The following SLC2A9 variants were observed in gnomAD, a reference collection of about 807,000 sequenced individuals.
SLC2A9 encodes the protein solute carrier family 2, facilitated glucose transporter member 9.
In SLC2A9, 39 loss-of-function variants were observed where a neutral mutation model predicts 50.6. That is an observed-to-expected ratio of 0.77 (90% CI 0.60 to 1.01). The LOEUF is 1.01. Among genes scored for constraint, SLC2A9 ranks in the 50% least tolerant of loss-of-function variants. SLC2A9 has a pLI of 0.00. For missense variants in SLC2A9, 686 were observed against 677.6 expected (o/e 1.01, Z -0.14); for synonymous variants, 324 against 276.9 (o/e 1.17, Z -1.69).
At chr4:9,873,451 C>A (rs137896473) in intron 10 of SLC2A9, among the ~76,000 whole-genome samples, 168 of 152,302 alleles carry the variant, frequency 1.1e-3, no homozygotes, top group African/African-American at 3.9e-3. Flanking sequence ...TGAATCTGGG[C>A]GGGCTTTGTG....
intron 1 of SLC2A9, among the ~76,000 whole-genome samples, chr4:10,037,983 G>A (rs903101479): frequency 2.0e-5 from 3 of 151,814 alleles, no homozygotes; most frequent in Non-Finnish European, 4.4e-5. Context: ...AATAAATAAA[G>A]GCAGGACCCA....
In SLC2A9 at chr4:9,887,588, C is replaced by T. The variant is rs1372216638; in HGVS notation, c.1270G>A (p.Ala424Thr). The T allele has an allele frequency of 1.5e-5, 23 of 1,566,578 alleles. No homozygotes were observed. Among genetic ancestry groups the T allele is most frequent in the African/African-American group, 2.7e-5 (2 of 73,544 alleles). Reference protein sequence around the residue: ...LSIVGILAIIASFCSGPGGIP... With the variant: ...LSIVGILAIITSFCSGPGGIP... Reference sequence around the variant, plus strand: ...TTACCTGGCCCACTGCAGAAAGAGGCGATGATGGCCAGAATGCCCACGATA... The same window carrying T: ...TTACCTGGCCCACTGCAGAAAGAGGTGATGATGGCCAGAATGCCCACGATA... The change falls in exon 10 of 12, where the codon GCC becomes ACC. Residue 424 changes from alanine (A) to threonine (T), a missense_variant. Ala to Thr is a moderately conservative substitution (Grantham distance 58). Coordinates refer to ENST00000264784, the MANE Select transcript of SLC2A9 (RefSeq NM_020041.3).
At chr4:9,865,490 G>T (rs979927355) in intron 10 of SLC2A9, among the ~76,000 whole-genome samples, 2 of 152,178 alleles carry the variant, frequency 1.3e-5, no homozygotes, top group Non-Finnish European at 2.9e-5. Flanking sequence ...AATTTATATT[G>T]TTACAGAGTA....
intron 10 of SLC2A9, among the ~76,000 whole-genome samples, chr4:9,864,656 G>A (rs1732158901): frequency 6.6e-6 from 1 of 152,212 alleles, no homozygotes; most frequent in South Asian, 2.1e-4. Flanking sequence ...AAGCCTGGAA[G>A]AGTACAAATT....
At chr4:10,019,361 G>A (rs1763214204) in intron 1 of SLC2A9, 1 of 517,614 alleles carries the variant, frequency 1.9e-6, no homozygotes, top group Non-Finnish European at 3.5e-6. Flanking sequence ...GCTGCTCTGG[G>A]CAGCTCCACA....
At chr4:9,973,703 G>A (rs1754291470) in intron 5 of SLC2A9, among the ~76,000 whole-genome samples, 1 of 110,604 alleles carries the variant, frequency 9.0e-6, no homozygotes, top group African/African-American at 3.5e-5. Context: ...ACACACTGGG[G>A]CCTGTTGTGG....
At chr4:9,806,415 T>A (rs1204037160) in intron 3 of SLC2A9, among the ~76,000 whole-genome samples, 1 of 152,272 alleles carries the variant, frequency 6.6e-6, no homozygotes, top group Non-Finnish European at 1.5e-5. Context: ...TTTTTATTAA[T>A]CTACAACCTA....
intron 2 of SLC2A9, among the ~76,000 whole-genome samples, chr4:10,004,524 A>C (rs899223376): frequency 1.3e-5 from 2 of 152,156 alleles, no homozygotes; most frequent in Non-Finnish European, 2.9e-5. Flanking sequence ...GAGGACTCCA[A>C]AGTCCTAGAG....
intron 2 of SLC2A9, among the ~76,000 whole-genome samples, chr4:10,003,268 G>T (rs76624494): frequency 0.012 from 1,879 of 152,302 alleles, 46 homozygotes; most frequent in East Asian, 0.091. Flanking sequence ...CACCCTGGAA[G>T]GCCTCAGTAA....
At chr4:9,786,039 G>A (rs1169761699) in intron 3 of SLC2A9, among the ~76,000 whole-genome samples, 2 of 152,196 alleles carry the variant, frequency 1.3e-5, no homozygotes, top group Non-Finnish European at 2.9e-5. Flanking sequence ...AGTGGCAAGT[G>A]CAAAGGCTTG....
At chr4:10,039,961 C>T (rs1023584505) in intron 1 of SLC2A9, among the ~76,000 whole-genome samples, 1 of 152,242 alleles carries the variant, frequency 6.6e-6, no homozygotes, top group African/African-American at 2.4e-5. Flanking sequence ...CTCCTCTGCA[C>T]CCACCTGCCC....
At chr4:9,988,899 TA>T (rs954375897) in intron 3 of SLC2A9, among the ~76,000 whole-genome samples, 5 of 152,192 alleles carry the variant, frequency 3.3e-5, no homozygotes, top group African/African-American at 1.2e-4. Flanking sequence ...TGCCATGCTT[TA>T]ACTTGGTGCA....
intron 2 of SLC2A9, 68 bp from the exon 3 acceptor site, chr4:9,997,009 A>G: frequency 6.4e-7 from 1 of 1,569,954 alleles, no homozygotes; most frequent in South Asian, 1.1e-5. Context: ...AAGCCAGTGT[A>G]CAAAACAAAA....
intron 10 of SLC2A9, among the ~76,000 whole-genome samples, chr4:9,840,251 GTTTTAT>G (rs1052445601): frequency 4.6e-5 from 7 of 152,120 alleles, no homozygotes; most frequent in Non-Finnish European, 8.8e-5. Flanking sequence ...TATCTTCATA[GTTTTAT>G]CTGAATGCTC....
At chr4:9,819,605 T>C (rs1419412528) in intron 3 of SLC2A9, among the ~76,000 whole-genome samples, 4 of 152,258 alleles carry the variant, frequency 2.6e-5, no homozygotes, top group Admixed American at 1.3e-4. Context: ...AACATATTTT[T>C]ATCCCAGCCT....
At position 10,019,133 on chromosome 4, in the gene SLC2A9, A is replaced by G. The variant is rs2240722; in HGVS notation, c.151-60T>C. Reference sequence around the variant, plus strand: ...CGGGCGCGCAGCCAGGGCCGAGGGAAGACCTGGAACGTTCCCTCAGCTGGG... The same window carrying G: ...CGGGCGCGCAGCCAGGGCCGAGGGAGGACCTGGAACGTTCCCTCAGCTGGG... On this transcript the variant is annotated intron_variant, in intron 1 of 11. Coordinates refer to ENST00000264784, the MANE Select transcript of SLC2A9 (RefSeq NM_020041.3). 0.52 allele frequency: 726,402 copies of G among 1,389,166 alleles called. 195,159 individuals are homozygous for G. Among genetic ancestry groups the G allele is most frequent in the South Asian group, 0.6 (48,261 of 80,846 alleles). The allele number at this position is 1,389,166 out of a possible 1,614,324, so 86.1% of individuals were successfully genotyped here. A position where few individuals can be genotyped will look rare whatever the true frequency, so the allele number is the denominator to read the frequency against.
chr4:9,894,294 G>A (rs1475951459), intron 8 of SLC2A9, among the ~76,000 whole-genome samples: 1 of 152,062 alleles, frequency 6.6e-6, no homozygotes, highest in East Asian at 1.9e-4. Context: ...AATTCTCAGG[G>A]TACAATCTTA....
At chr4:9,920,291 T>C (rs990976831) in intron 7 of SLC2A9, 94 bp downstream of exon 7, 135 of 1,386,268 alleles carry the variant, frequency 9.7e-5, no homozygotes, top group Non-Finnish European at 1.3e-4. Context: ...AGAACTGAGA[T>C]TTGAACCTGG....
At chr4:9,898,337 G>A (rs535376875) in intron 8 of SLC2A9, among the ~76,000 whole-genome samples, 2 of 152,128 alleles carry the variant, frequency 1.3e-5, no homozygotes, top group East Asian at 1.9e-4. Flanking sequence ...AGAGCTGGAG[G>A]GCAAGAAAAT....
Sources: allele counts gnomAD v4.1 joint callset (sites outside exome capture counted in the v4.1 genomes callset), GRCh38; gene constraint gnomAD v4.1.1; transcripts MANE v1.5; gene names NCBI Gene and HGNC (gene_info 2026-07-23, HGNC 2026-07-21).